Variants in EPHA6 observed in about 807,000 individuals in gnomAD.
EPHA6 encodes EPH receptor A6.
Under a neutral mutation model 112.0 loss-of-function variants are expected in EPHA6, and 50 were observed. The ratio of observed to expected loss-of-function variants is 0.45; its 90% CI spans 0.36 to 0.56. EPHA6 has a LOEUF of 0.56. EPHA6 is among the 20% of genes least tolerant of loss of function. The pLI, the probability that EPHA6 is intolerant of heterozygous loss-of-function variation, is 0.00. For synonymous variants in EPHA6, 529 were observed against 490.7 expected, an observed-to-expected ratio of 1.08 and a Z score of -1.03; for missense variants, 1,280 against 1,417.4, an observed-to-expected ratio of 0.90 and a Z score of 1.56.
intron 6 of EPHA6, among the ~76,000 whole-genome samples, chr3:97,424,102 C>T (rs542129530): frequency 1.6e-4 from 24 of 152,210 alleles, no homozygotes; most frequent in Middle Eastern, 3.4e-3. Flanking sequence ...TGGTGGAAGG[C>T]GAATGAGGAG....
At chr3:97,633,663 A>G (rs910144250) in intron 13 of EPHA6, among the ~76,000 whole-genome samples, 1 of 152,096 alleles carries the variant, frequency 6.6e-6, no homozygotes, top group African/African-American at 2.4e-5. Flanking sequence ...AATAGGAACA[A>G]TATAGCAATA....
chr3:97,445,378 A>G (rs1278456377), intron 6 of EPHA6, among the ~76,000 whole-genome samples: 1 of 152,130 alleles, frequency 6.6e-6, no homozygotes, highest in Non-Finnish European at 1.5e-5. Flanking sequence ...ACTTTATGCC[A>G]TTTATTTACT....
intron 4 of EPHA6, among the ~76,000 whole-genome samples, chr3:97,241,195 G>C (rs1018085919): frequency 8.6e-5 from 13 of 151,472 alleles, no homozygotes; most frequent in African/African-American, 3.2e-4. Context: ...AAAAAAGCTA[G>C]TGGAAAATAA....
At chr3:97,259,167 T>A (rs1011281619) in intron 5 of EPHA6, among the ~76,000 whole-genome samples, 1 of 152,174 alleles carries the variant, frequency 6.6e-6, no homozygotes, top group Non-Finnish European at 1.5e-5. Context: ...ATAAAATTCC[T>A]TATAGTTTTT....
At chr3:97,223,235 C>A (rs1233942807) in intron 3 of EPHA6, among the ~76,000 whole-genome samples, 1 of 152,138 alleles carries the variant, frequency 6.6e-6, no homozygotes, top group African/African-American at 2.4e-5. Flanking sequence ...CTTATTGGAG[C>A]ATACATTTTA....
rs528794662 is a variant in EPHA6 at position 97,131,247 on chromosome 3, A to G, written c.1115-95017A>G. 3.9e-5 allele frequency among the ~76,000 whole-genome samples: 6 copies of G among 152,274 alleles called. No homozygotes were observed. In the South Asian group the frequency reaches 1.2e-3, roughly 32 times the overall value. ...AGTGGTATGTATGGAGATTTTCAAA[A>G]TATAAATGGTAGTAATATATGCATG... is the stretch of plus-strand genomic sequence containing the variant. On this transcript the variant is annotated intron_variant, in intron 3 of 17. Transcript: ENST00000389672.
In EPHA6 at chr3:97,244,048, A is replaced by G; in HGVS notation, c.1367A>G (p.Asp456Gly). The change falls in exon 5 of 18, where the codon GAT (aspartate) becomes GGT (glycine). Residue 456 changes from aspartate (D) to glycine (G), a missense_variant. Physicochemically the swap from Asp to Gly is moderately conservative, Grantham distance 94 (BLOSUM62 -1). Coordinates refer to ENST00000389672, the MANE Select transcript of EPHA6 (RefSeq NM_001080448.3). ...SPPSDTGGRK[D>G]LTYSVICKKC... ...CCAAGTGACACAGGAGGGAGAAAAG[A>G]TCTCACATACAGTGTAATCTGTAAG... is the stretch of plus-strand genomic sequence containing the variant. The G allele has an allele frequency of 6.2e-7, 1 of 1,612,860 alleles. No homozygotes were observed. Among genetic ancestry groups the G allele is most frequent in the Non-Finnish European group, 8.5e-7 (1 of 1,179,270 alleles).
At chr3:97,719,876 C>T (rs1221185822) in intron 14 of EPHA6, among the ~76,000 whole-genome samples, 1 of 152,092 alleles carries the variant, frequency 6.6e-6, no homozygotes, top group Non-Finnish European at 1.5e-5. Context: ...AGATTATTCT[C>T]ATTATTATTT....
chr3:97,057,296 A>C (rs2045881950), intron 3 of EPHA6, among the ~76,000 whole-genome samples: 1 of 152,190 alleles, frequency 6.6e-6, no homozygotes, highest in South Asian at 2.1e-4. Context: ...TATTAGGAAA[A>C]ATTCTTTGTA....
chr3:97,297,752 A>T (rs2080927531), intron 5 of EPHA6, among the ~76,000 whole-genome samples: 1 of 151,780 alleles, frequency 6.6e-6, no homozygotes, highest in South Asian at 2.1e-4. Flanking sequence ...AATGACTTGG[A>T]TTATTATTTT....
intron 2 of EPHA6, among the ~76,000 whole-genome samples, chr3:96,983,318 G>C (rs969739460): frequency 9.9e-5 from 15 of 152,140 alleles, no homozygotes; most frequent in African/African-American, 2.9e-4. Flanking sequence ...ATGAAGCTTA[G>C]TTTGGCTGGA....
intron 13 of EPHA6, among the ~76,000 whole-genome samples, chr3:97,633,770 C>T (rs930536503): frequency 2.0e-5 from 3 of 151,988 alleles, no homozygotes; most frequent in Admixed American, 2.0e-4. Flanking sequence ...ATGTCCTAAA[C>T]CAAACTTGAG....
chr3:97,283,167 A>G (rs114797886), intron 5 of EPHA6, among the ~76,000 whole-genome samples: 2,252 of 152,332 alleles, frequency 0.015, 56 homozygotes, highest in African/African-American at 0.049. Flanking sequence ...TTGACTTGGT[A>G]TGTGAATTTT....
intron 1 of EPHA6, among the ~76,000 whole-genome samples, chr3:96,836,266 A>G (rs746713013): frequency 2.6e-5 from 4 of 152,120 alleles, no homozygotes; most frequent in Non-Finnish European, 5.9e-5. Context: ...TATTGCTACC[A>G]TGGGGAAACA....
At chr3:97,385,206 G>C (rs1014694202) in intron 5 of EPHA6, among the ~76,000 whole-genome samples, 2 of 152,010 alleles carry the variant, frequency 1.3e-5, no homozygotes, top group African/African-American at 4.8e-5. Context: ...TTACATAAGA[G>C]ACCAAGAAAG....
intron 16 of EPHA6, among the ~76,000 whole-genome samples, chr3:97,738,514 A>G (rs2035368903): frequency 6.6e-6 from 1 of 152,150 alleles, no homozygotes; most frequent in South Asian, 2.1e-4. Context: ...ATGAATGATC[A>G]TCATATTTGG....
At chr3:96,906,820 G>A (rs1198403720) in intron 2 of EPHA6, among the ~76,000 whole-genome samples, 1 of 151,878 alleles carries the variant, frequency 6.6e-6, no homozygotes. Flanking sequence ...GGTCCCTAGA[G>A]GTATAGGAGA....
At chr3:96,819,831 A>G (rs1421608799) in intron 1 of EPHA6, among the ~76,000 whole-genome samples, 4 of 152,142 alleles carry the variant, frequency 2.6e-5, no homozygotes. Flanking sequence ...TGGATTATGG[A>G]TTTAAAAAGA....
At chr3:96,966,156 T>A (rs2042115039) in intron 2 of EPHA6, among the ~76,000 whole-genome samples, 3 of 152,148 alleles carry the variant, frequency 2.0e-5, no homozygotes, top group Non-Finnish European at 4.4e-5. Context: ...ACTGAGTTTT[T>A]AAAAAATGTT....
Sources: gnomAD v4.1 joint callset for allele counts (sites outside exome capture counted in the v4.1 genomes callset) on GRCh38, gnomAD v4.1.1 for gene constraint, MANE v1.5 for transcripts, NCBI Gene and HGNC (gene_info 2026-07-23, HGNC 2026-07-21) for gene names.